Variants in ASIC2 observed in about 807,000 individuals in gnomAD.
ASIC2 encodes acid-sensing ion channel 2.
Under a neutral mutation model 57.3 loss-of-function variants are expected in ASIC2, and 25 were observed. The ratio of observed to expected loss-of-function variants is 0.44; its 90% confidence interval spans 0.32 to 0.61. The LOEUF is 0.61. ASIC2 is among the 20% of genes least tolerant of loss of function. ASIC2 has a pLI of 0.06. For missense variants in ASIC2, 641 were observed against 738.1 expected (o/e 0.87, Z 1.52); for synonymous variants, 319 against 307.5 (o/e 1.04, Z -0.39).
chr17:34,020,482 C>G (rs181519193), intron 1 of ASIC2, among the ~76,000 whole-genome samples: 1 of 152,168 alleles, frequency 6.6e-6, no homozygotes, highest in Non-Finnish European at 1.5e-5. Flanking sequence ...TCCTTCCCAA[C>G]CTAACTTCAC....
At chr17:33,542,971 T>C (rs928321167) in intron 1 of ASIC2, among the ~76,000 whole-genome samples, 26 of 151,640 alleles carry the variant, frequency 1.7e-4, no homozygotes, top group Non-Finnish European at 4.4e-5. Context: ...AAATGATGAG[T>C]TCATGTCCTT....
intron 1 of ASIC2, among the ~76,000 whole-genome samples, chr17:34,128,835 T>G (rs1911866557): frequency 6.6e-6 from 1 of 152,126 alleles, no homozygotes; most frequent in African/African-American, 2.4e-5. Context: ...CAGCTCCAGC[T>G]GCACATCAGA....
At chr17:33,128,164 G>A (rs2142003803) in intron 1 of ASIC2, among the ~76,000 whole-genome samples, 1 of 152,342 alleles carries the variant, frequency 6.6e-6, no homozygotes, top group East Asian at 1.9e-4. Flanking sequence ...CGGAATGGCT[G>A]ACATGCCCTC....
intron 1 of ASIC2, among the ~76,000 whole-genome samples, chr17:34,148,457 C>T (rs1293795777): frequency 6.6e-6 from 1 of 152,160 alleles, no homozygotes; most frequent in Non-Finnish European, 1.5e-5. Flanking sequence ...TAAGGGCATG[C>T]CAAATGTTCG....
At chr17:33,941,316 T>C (rs1315637166) in intron 1 of ASIC2, among the ~76,000 whole-genome samples, 1 of 152,174 alleles carries the variant, frequency 6.6e-6, no homozygotes, top group African/African-American at 2.4e-5. Context: ...AAGCTTCAGA[T>C]CTGCCCCATC....
rs1278427223 is a variant in ASIC2 at position 33,016,020 on chromosome 17, A to G, written c.1541T>C (p.Leu514Ser). The change falls in exon 9 of 10, where the codon TTA (leucine) becomes TCA (serine). Residue 514 changes from leucine (L) to serine (S), a missense_variant. Physicochemically the swap from Leu to Ser is moderately radical, Grantham distance 145. Coordinates refer to ENST00000225823, the MANE Select transcript of ASIC2 (RefSeq NM_183377.2). ...YIYELIKEKLLDLLGKEEDEG... is the reference protein window; with the variant it reads ...YIYELIKEKLSDLLGKEEDEG... Reference sequence around the variant, plus strand: ...GTCCTCCTCTTTGCCAAGCAGGTCTAATAGCTTCTCTTTGATCAGCTGCAA... The same window carrying G: ...GTCCTCCTCTTTGCCAAGCAGGTCTGATAGCTTCTCTTTGATCAGCTGCAA... 3.1e-6 allele frequency: 5 copies of G among 1,614,028 alleles called. No individual in the cohort carries two copies. The East Asian group carries it at 8.9e-5, about 29-fold the overall frequency.
At chr17:33,807,393 C>T (rs1286942363) in intron 1 of ASIC2, among the ~76,000 whole-genome samples, 1 of 152,128 alleles carries the variant, frequency 6.6e-6, no homozygotes, top group African/African-American at 2.4e-5. Context: ...TGGCAGGCCC[C>T]ATGCTGGGTG....
chr17:33,942,605 T>G (rs1916216572), intron 1 of ASIC2, among the ~76,000 whole-genome samples: 1 of 151,954 alleles, frequency 6.6e-6, no homozygotes, highest in Admixed American at 6.5e-5. Flanking sequence ...GATTAATGAG[T>G]GGTGAGTCAT....
At chr17:33,115,848 G>GTGAA (rs1186328757) in intron 1 of ASIC2, among the ~76,000 whole-genome samples, 6 of 152,326 alleles carry the variant, frequency 3.9e-5, no homozygotes, top group African/African-American at 4.8e-5. Context: ...GAATGAATGA[G>GTGAA]TGAATGAATG....
chr17:33,272,618 A>G (rs956757377), intron 1 of ASIC2, among the ~76,000 whole-genome samples: 5 of 152,038 alleles, frequency 3.3e-5, no homozygotes, highest in Non-Finnish European at 5.9e-5. Context: ...TTCCTCCATC[A>G]TCGTCATCGT....
chr17:34,044,577 G>A (rs942660706), intron 1 of ASIC2, among the ~76,000 whole-genome samples: 3 of 152,146 alleles, frequency 2.0e-5, no homozygotes, highest in Non-Finnish European at 2.9e-5. Context: ...CCCCTTGGAG[G>A]AGGACAGAAC....
intron 1 of ASIC2, among the ~76,000 whole-genome samples, chr17:34,154,626 G>C (rs1904644650): frequency 6.6e-6 from 1 of 152,194 alleles, no homozygotes; most frequent in Admixed American, 6.5e-5. Flanking sequence ...AGATCAAGAG[G>C]CTGGTGAATC....
intron 1 of ASIC2, among the ~76,000 whole-genome samples, chr17:33,388,276 C>G (rs1430982696): frequency 6.6e-6 from 1 of 152,224 alleles, no homozygotes; most frequent in Non-Finnish European, 1.5e-5. Context: ...GGGGGTACAG[C>G]CCTGCTGATG....
intron 1 of ASIC2, among the ~76,000 whole-genome samples, chr17:33,527,163 C>T (rs1411520052): frequency 6.6e-6 from 1 of 152,142 alleles, no homozygotes; most frequent in African/African-American, 2.4e-5. Context: ...AAATACTGTT[C>T]TTCTTCAGAT....
intron 1 of ASIC2, among the ~76,000 whole-genome samples, chr17:33,986,898 T>C (rs2142007446): frequency 6.6e-6 from 1 of 152,294 alleles, no homozygotes; most frequent in South Asian, 2.1e-4. Flanking sequence ...CAAAATGGCA[T>C]TTTTCAAATG....
chr17:33,678,049 T>C (rs1907881619), intron 1 of ASIC2, among the ~76,000 whole-genome samples: 1 of 152,128 alleles, frequency 6.6e-6, no homozygotes, highest in Non-Finnish European at 1.5e-5. Context: ...TTTTTAAAAA[T>C]TGCCACAGTC....
chr17:33,101,244 C>T (rs1360732949), intron 2 of ASIC2, among the ~76,000 whole-genome samples: 3 of 152,196 alleles, frequency 2.0e-5, no homozygotes, highest in African/African-American at 7.2e-5. Flanking sequence ...CTTGTTCTGC[C>T]CCATTTGTAA....
chr17:33,892,297 G>T (rs898106668), intron 1 of ASIC2, among the ~76,000 whole-genome samples: 3 of 152,166 alleles, frequency 2.0e-5, no homozygotes, highest in African/African-American at 7.2e-5. Context: ...GGGAAGAAAG[G>T]CCTCTCTGGG....
chr17:34,124,395 A>G (rs919174131), intron 1 of ASIC2, among the ~76,000 whole-genome samples: 1 of 152,210 alleles, frequency 6.6e-6, no homozygotes, highest in Admixed American at 6.5e-5. Flanking sequence ...ACTCCAATCC[A>G]TACACTTTAG....
Sources: gnomAD v4.1 joint callset for allele counts (sites outside exome capture counted in the v4.1 genomes callset) on GRCh38, gnomAD v4.1.1 for gene constraint, MANE v1.5 for transcripts, NCBI Gene and HGNC (gene_info 2026-07-23, HGNC 2026-07-21) for gene names.